Variants in PSMD14 observed in about 807,000 individuals in gnomAD.
PSMD14 encodes the protein proteasome 26S subunit, non-ATPase 14.
PSMD14 carries 7 observed loss-of-function variants against 41.2 expected under a neutral mutation model. That is an observed-to-expected ratio of 0.17 (90% CI 0.10 to 0.32). The LOEUF (loss-of-function observed/expected upper bound fraction) is 0.32, where lower values mean the gene tolerates loss of function less well. Ranked by LOEUF, PSMD14 falls within the 10% of genes least tolerant of loss-of-function variation. The pLI is 1.00. For missense variants in PSMD14, 139 were observed against 375.6 expected, an observed-to-expected ratio of 0.37 and a Z score of 5.21; for synonymous variants, 114 against 122.3, an observed-to-expected ratio of 0.93 and a Z score of 0.45.
At chr2:161,336,156 GGTCT>G (rs1682866187) in intron 3 of PSMD14, among the ~76,000 whole-genome samples, 1 of 43,688 alleles carries the variant, frequency 2.3e-5, no homozygotes, top group Admixed American at 2.7e-4. Context: ...TTATTCATTT[GGTCT>G]CCACCTTTTA....
At chr2:161,320,916 A>G (rs1052158487) in intron 3 of PSMD14, among the ~76,000 whole-genome samples, 3 of 151,984 alleles carry the variant, frequency 2.0e-5, no homozygotes, top group East Asian at 1.9e-4. Flanking sequence ...AGTAGAGACT[A>G]TGTTTCACCA....
intron 3 of PSMD14, among the ~76,000 whole-genome samples, chr2:161,327,582 G>C (rs193219877): frequency 9.1e-4 from 138 of 152,036 alleles, no homozygotes; most frequent in Non-Finnish European, 8.1e-4. Flanking sequence ...AGATAGGAAA[G>C]CACAACTCAA....
intron 3 of PSMD14, chr2:161,340,730 CCT>C: frequency 5.0e-6 from 8 of 1,602,924 alleles, no homozygotes; most frequent in South Asian, 1.1e-5. Context: ...TGCCCAGACT[CCT>C]CTCTGGGGTT....
At chr2:161,367,575 T>G in intron 4 of PSMD14, 26 bp downstream of exon 4, 1 of 1,552,254 alleles carries the variant, frequency 6.4e-7, no homozygotes, top group Non-Finnish European at 8.8e-7. Context: ...AGTTACTTGC[T>G]TTAGAGAACT....
At chr2:161,354,282 C>T (rs542257179) in intron 3 of PSMD14, among the ~76,000 whole-genome samples, 1 of 152,210 alleles carries the variant, frequency 6.6e-6, no homozygotes, top group East Asian at 1.9e-4. Context: ...GAGTCTCACT[C>T]TTGCCCAGGC....
chr2:161,337,075 T>G (rs1390339303), intron 3 of PSMD14, among the ~76,000 whole-genome samples: 1 of 152,248 alleles, frequency 6.6e-6, no homozygotes, highest in Non-Finnish European at 1.5e-5. Flanking sequence ...TTAACCAAGA[T>G]GTTTACAAGT....
intron 3 of PSMD14, chr2:161,340,911 A>T (rs1682945005): frequency 6.2e-7 from 1 of 1,613,488 alleles, no homozygotes; most frequent in African/African-American, 1.3e-5. Context: ...TTTGAAGGAG[A>T]AGCCTTCTCC....
chr2:161,404,831 C>T (rs547169420), intron 10 of PSMD14, among the ~76,000 whole-genome samples: 292 of 152,306 alleles, frequency 1.9e-3, no homozygotes, highest in Non-Finnish European at 2.9e-3. Flanking sequence ...TTGGCAACTA[C>T]ACACTCTGCT....
chr2:161,382,301 G>C (rs1322309408), intron 7 of PSMD14: 1 of 151,760 alleles, frequency 6.6e-6, no homozygotes, highest in Non-Finnish European at 1.5e-5. Context: ...GTTTTGATCT[G>C]TGAGTTGCGC....
chr2:161,407,013 A>G (rs1445570064), intron 10 of PSMD14, among the ~76,000 whole-genome samples: 1 of 152,038 alleles, frequency 6.6e-6, no homozygotes, highest in African/African-American at 2.4e-5. Context: ...ATGGATTGGT[A>G]TTTTGAGCCA....
intron 3 of PSMD14, among the ~76,000 whole-genome samples, chr2:161,331,448 C>CG (rs1022345690): frequency 2.0e-5 from 3 of 151,880 alleles, no homozygotes; most frequent in African/African-American, 7.3e-5. Context: ...TTAGTAGAGA[C>CG]GGGGTTTCAC....
At chr2:161,314,038 C>T (rs1689121809) in intron 1 of PSMD14, among the ~76,000 whole-genome samples, 1 of 152,148 alleles carries the variant, frequency 6.6e-6, no homozygotes. Flanking sequence ...ATTGAGAGCT[C>T]ATAATTTTGT....
intron 7 of PSMD14, among the ~76,000 whole-genome samples, chr2:161,374,891 C>T (rs1271927281): frequency 6.6e-6 from 1 of 152,010 alleles, no homozygotes; most frequent in Non-Finnish European, 1.5e-5. Flanking sequence ...CTTTAGAGAA[C>T]TCATTTTCCT....
At chr2:161,345,342 A>G (rs1427957885) in intron 3 of PSMD14, among the ~76,000 whole-genome samples, 1 of 149,306 alleles carries the variant, frequency 6.7e-6, no homozygotes, top group Non-Finnish European at 1.5e-5. Flanking sequence ...TCCTGGGCTC[A>G]AGCGATCCTC....
intron 10 of PSMD14, among the ~76,000 whole-genome samples, chr2:161,406,919 T>A (rs1683954833): frequency 6.6e-6 from 1 of 152,192 alleles, no homozygotes; most frequent in South Asian, 2.1e-4. Context: ...CTTCAAGTCC[T>A]TTTTGACCTT....
At chr2:161,364,497 C>T (rs1275340063) in intron 3 of PSMD14, among the ~76,000 whole-genome samples, 1 of 152,140 alleles carries the variant, frequency 6.6e-6, no homozygotes, top group Non-Finnish European at 1.5e-5. Flanking sequence ...ACACCCTCCT[C>T]TACCCAGCCC....
At chr2:161,379,209 C>T (rs1574136023) in intron 7 of PSMD14, among the ~76,000 whole-genome samples, 1 of 152,050 alleles carries the variant, frequency 6.6e-6, no homozygotes, top group East Asian at 1.9e-4. Context: ...TTTATGTAGG[C>T]TGAGTAGCCA....
At chr2:161,400,173 T>C (rs192749341) in intron 10 of PSMD14, among the ~76,000 whole-genome samples, 1 of 152,348 alleles carries the variant, frequency 6.6e-6, no homozygotes, top group Admixed American at 6.5e-5. Context: ...GTATGTCTCA[T>C]ATTTCAAGTC....
chr2:161,356,832 A>G (rs1204848723), intron 3 of PSMD14, among the ~76,000 whole-genome samples: 2 of 148,926 alleles, frequency 1.3e-5, no homozygotes, highest in Non-Finnish European at 3.0e-5. Context: ...ATATTTTTAG[A>G]TATTTTTGGA....
Sources: allele counts gnomAD v4.1 joint callset (sites outside exome capture counted in the v4.1 genomes callset), GRCh38; gene constraint gnomAD v4.1.1; transcripts MANE v1.5; gene names NCBI Gene and HGNC (gene_info 2026-07-23, HGNC 2026-07-21).